Variants in BABAM2 observed in about 807,000 individuals in gnomAD.
The protein encoded by BABAM2 is BRISC and BRCA1-A complex member 2.
A neutral mutation model predicts 54.7 loss-of-function variants in BABAM2; 31 were observed. The observed-to-expected ratio is 0.57, with a 90% CI of 0.43 to 0.77. The LOEUF (loss-of-function observed/expected upper bound fraction) is 0.77, where lower values mean the gene tolerates loss of function less well. BABAM2 is among the 30% of genes least tolerant of loss of function. The pLI, the probability that BABAM2 is intolerant of heterozygous loss-of-function variation, is 0.00. For missense variants in BABAM2, 364 were observed against 455.8 expected, an observed-to-expected ratio of 0.80 and a Z score of 1.83; for synonymous variants, 167 against 162.9, an observed-to-expected ratio of 1.03 and a Z score of -0.19.
chr2:27,923,277 T>C (rs1351028464), intron 2 of BABAM2, among the ~76,000 whole-genome samples: 1 of 152,382 alleles, frequency 6.6e-6, no homozygotes, highest in East Asian at 1.9e-4. Context: ...CAGGCCATCA[T>C]AGCCAAGTTT....
intron 10 of BABAM2, among the ~76,000 whole-genome samples, chr2:28,278,005 A>G (rs1333179125): frequency 6.6e-6 from 1 of 152,224 alleles, no homozygotes; most frequent in Non-Finnish European, 1.5e-5. Context: ...ATAAAGAGGA[A>G]AGGATGTCCA....
chr2:27,924,840 G>T, intron 2 of BABAM2, among the ~76,000 whole-genome samples: 1 of 152,164 alleles, frequency 6.6e-6, no homozygotes, highest in East Asian at 1.9e-4. Context: ...TGAGGTACAT[G>T]GCACTGGCTT....
chr2:28,150,689 A>G (rs1300813843), intron 7 of BABAM2, among the ~76,000 whole-genome samples: 1 of 152,154 alleles, frequency 6.6e-6, no homozygotes, highest in Non-Finnish European at 1.5e-5. Context: ...GAGACTAGGG[A>G]AGAGCGCCAG....
chr2:28,258,966 A>C (rs1167971990), intron 10 of BABAM2, among the ~76,000 whole-genome samples: 1 of 145,586 alleles, frequency 6.9e-6, no homozygotes, highest in Non-Finnish European at 1.5e-5. Flanking sequence ...TGGTAGAGAC[A>C]GGGTTTCACC....
At chr2:28,165,515 T>A (rs1230277222) in intron 7 of BABAM2, among the ~76,000 whole-genome samples, 1 of 149,578 alleles carries the variant, frequency 6.7e-6, no homozygotes, top group East Asian at 2.0e-4. Flanking sequence ...TGAAGCTTTT[T>A]TTTTTTTTCC....
chr2:28,129,310 T>C lies in BABAM2; in HGVS notation c.610T>C (p.Ser204Pro). The C allele has an allele frequency of 1.9e-6, 3 of 1,614,176 alleles. No individual in the cohort carries two copies. The highest frequency in any genetic ancestry group is 2.5e-6 in the Non-Finnish European group (3 of 1,180,014). ...CCCTGGAGAAGATGTGGCCCTCCTC[T>C]CTGTTAGTTTTGAGGACACTGAAGC... The part of the protein sequence containing the change: ...EDPGEDVALL[S>P]VSFEDTEATQ... The change falls in exon 7 of 12, where the codon TCT becomes CCT. Residue 204 changes from serine (S) to proline (P), a missense_variant. Transcript: ENST00000379624.
intron 7 of BABAM2, 99 bp downstream of exon 7, chr2:28,129,479 C>T (rs1464628288): frequency 5.7e-6 from 6 of 1,060,442 alleles, no homozygotes; most frequent in South Asian, 2.8e-5. Context: ...ATTTATTTCT[C>T]TTCATTGACT....
chr2:27,890,258 T>A, upstream of BABAM2: 1 of 1,613,578 alleles, frequency 6.2e-7, no homozygotes, highest in Non-Finnish European at 8.5e-7. The surrounding 1 kb of genome is among the most constrained non-coding windows in gnomAD (Gnocchi z 4.8). Context: ...CGGACTAACC[T>A]GACCAGGTCG....
Position 28,030,771 on chromosome 2 carries a change from C to T in BABAM2, c.495+5351C>T, listed in dbSNP as rs556252946. ...CCACAAACTTGGTGGCTTAGGACAA[C>T]ACAGACTTATTATGTCATAGTTCTG... On this transcript the variant is annotated intron_variant, in intron 5 of 11. Transcript: ENST00000379624. Among the ~76,000 whole-genome samples, 24 of 152,238 alleles carry T rather than the reference C, an allele frequency of 1.6e-4. No homozygotes were observed. In the South Asian group the frequency reaches 4.8e-3, roughly 30 times the overall value.
At position 27,951,848 on chromosome 2, in the gene BABAM2, C is replaced by T. The variant is rs879364658; in HGVS notation, c.205+21940C>T. Among the ~76,000 whole-genome samples, 9 of 152,272 alleles carry T rather than the reference C, an allele frequency of 5.9e-5. No homozygotes were observed. The South Asian group carries it at 8.3e-4, about 14-fold the overall frequency. ...ACCCTATTTGTAGTCTTTTATCCCT[C>T]GCCCTATTTTAGTTTTTTAAAGAGA... On this transcript the variant is annotated intron_variant, in intron 3 of 11. Transcript: ENST00000379624.
chr2:28,110,441 AG>A lies in BABAM2; in HGVS notation c.571-18828del, dbSNP rs528672453. The stretch of plus-strand genomic sequence containing the variant: ...GAGTTCGAGACTAGCCTGGCCAACA[AG>A]GCGAAACCCCATCTCTACTAAAAAT... On this transcript the variant is annotated intron_variant, in intron 6 of 11. Transcript: ENST00000379624. Among the ~76,000 whole-genome samples, 556 of 151,950 alleles carry A rather than the reference AG, an allele frequency of 3.7e-3. 6 individuals are homozygous for A. The highest frequency in any genetic ancestry group is 3.4e-3 in the Middle Eastern group (1 of 294).
chr2:27,988,815 A>C (rs540880628), intron 4 of BABAM2, among the ~76,000 whole-genome samples: 3 of 152,232 alleles, frequency 2.0e-5, no homozygotes, highest in Admixed American at 6.5e-5. Flanking sequence ...TTTCTTCTCA[A>C]ATTTGAGTTT....
chr2:27,951,327 T>A (rs557137911), intron 3 of BABAM2, among the ~76,000 whole-genome samples: 1 of 152,320 alleles, frequency 6.6e-6, no homozygotes, highest in East Asian at 1.9e-4. Context: ...CAAATTTTGC[T>A]GTGTTGTGTT....
At chr2:28,256,488 C>T (rs945666906) in intron 10 of BABAM2, among the ~76,000 whole-genome samples, 17 of 152,072 alleles carry the variant, frequency 1.1e-4, no homozygotes, top group Middle Eastern at 3.4e-3. Context: ...TCCCAGATGC[C>T]CTGAATCCAA....
At chr2:28,182,421 A>G (rs548637271) in intron 7 of BABAM2, among the ~76,000 whole-genome samples, 1 of 152,258 alleles carries the variant, frequency 6.6e-6, no homozygotes, top group African/African-American at 2.4e-5. Flanking sequence ...GAAACATATC[A>G]CACACACAAT....
At chr2:28,320,827 G>A (rs948853762) in intron 11 of BABAM2, among the ~76,000 whole-genome samples, 1 of 152,176 alleles carries the variant, frequency 6.6e-6, no homozygotes, top group Non-Finnish European at 1.5e-5. Flanking sequence ...GCCTGGCCTT[G>A]GTCAAGTTAC....
chr2:27,990,849 G>A (rs535743033), intron 4 of BABAM2, among the ~76,000 whole-genome samples: 16 of 151,378 alleles, frequency 1.1e-4, no homozygotes, highest in African/African-American at 3.4e-4. Context: ...AAATCAAATC[G>A]TTTCTGGGGA....
At chr2:28,040,564 T>G (rs1054408473) in intron 5 of BABAM2, among the ~76,000 whole-genome samples, 1 of 151,962 alleles carries the variant, frequency 6.6e-6, no homozygotes, top group Non-Finnish European at 1.5e-5. Context: ...CCTCCCAAAG[T>G]GCTGGGATTA....
Position 27,929,850 on chromosome 2 carries a change from T to TAA in BABAM2, c.147_148insAA (p.Gly50LysfsTer19). On this transcript the variant is annotated frameshift_variant, in exon 3 of 12. Coordinates refer to ENST00000379624, the MANE Select transcript of BABAM2 (RefSeq NM_199191.3). LOFTEE classifies it high-confidence loss of function. ...TTTAAAGCTGCACATCATTGACTCC[T>TAA]GGGCCCAACTGTGACCGATTTAAAC... 6.2e-7 allele frequency: 1 copy of TAA among 1,613,914 alleles called. No individual in the cohort carries two copies. Among genetic ancestry groups the TAA allele is most frequent in the Non-Finnish European group, 8.5e-7 (1 of 1,179,798 alleles).
Sources: gnomAD v4.1 joint callset for allele counts (sites outside exome capture counted in the v4.1 genomes callset) on GRCh38, gnomAD v4.1.1 for gene constraint, Gnocchi (gnomAD v3.1) non-coding constraint, MANE v1.5 for transcripts, NCBI Gene and HGNC (gene_info 2026-07-23, HGNC 2026-07-21) for gene names.